Variants in SNX29 observed in about 807,000 individuals in gnomAD.
SNX29 encodes sorting nexin-29.
Under a neutral mutation model 102.1 loss-of-function variants are expected in SNX29, and 78 were observed. The observed-to-expected ratio is 0.76, with a 90% CI of 0.64 to 0.92. The LOEUF is 0.92. Ranked by LOEUF, SNX29 falls within the 40% of genes least tolerant of loss-of-function variation. The pLI is 0.00. For missense variants in SNX29, 1,280 were observed against 1,061.7 expected (o/e 1.21, Z -2.86); for synonymous variants, 580 against 414.5 (o/e 1.40, Z -4.85).
At chr16:11,985,421 G>C (rs186668527) in intron 1 of SNX29, among the ~76,000 whole-genome samples, 1 of 152,308 alleles carries the variant, frequency 6.6e-6, no homozygotes, top group East Asian at 1.9e-4. Context: ...GGAATATATG[G>C]TGTCTTGTAA....
At chr16:12,274,599 C>T (rs1332419379) in intron 14 of SNX29, among the ~76,000 whole-genome samples, 4 of 151,054 alleles carry the variant, frequency 2.6e-5, no homozygotes, top group Non-Finnish European at 5.9e-5. Flanking sequence ...TGCAGCTATG[C>T]CATCTCAGTT....
chr16:12,018,819 C>A (rs1029816264), intron 3 of SNX29, among the ~76,000 whole-genome samples: 4 of 150,878 alleles, frequency 2.7e-5, no homozygotes, highest in African/African-American at 9.8e-5. Context: ...AACTCCTGGG[C>A]TCAAGCTGTT....
intron 19 of SNX29, among the ~76,000 whole-genome samples, chr16:12,496,428 G>C (rs778248274): frequency 2.6e-5 from 4 of 151,794 alleles, no homozygotes; most frequent in Non-Finnish European, 5.9e-5. Context: ...GCACTCAATG[G>C]AGGCTGGGCC....
intron 14 of SNX29, among the ~76,000 whole-genome samples, chr16:12,235,273 C>T (rs1002987718): frequency 1.3e-5 from 2 of 152,132 alleles, no homozygotes; most frequent in East Asian, 1.9e-4. Context: ...CCTTCACCAA[C>T]GTGCCCCAGA....
At chr16:12,295,134 C>T (rs1352205865) in intron 15 of SNX29, among the ~76,000 whole-genome samples, 1 of 152,240 alleles carries the variant, frequency 6.6e-6, no homozygotes, top group Admixed American at 6.5e-5. Flanking sequence ...CTTCCCACAA[C>T]ACATGGGAAT....
At chr16:12,503,021 A>G (rs1182607589) in intron 19 of SNX29, among the ~76,000 whole-genome samples, 1 of 152,090 alleles carries the variant, frequency 6.6e-6, no homozygotes, top group Non-Finnish European at 1.5e-5. Flanking sequence ...AATCCCATGT[A>G]TCTTGTTTTG....
intron 20 of SNX29, among the ~76,000 whole-genome samples, chr16:12,541,248 A>G (rs1031814629): frequency 5.9e-5 from 9 of 152,162 alleles, no homozygotes; most frequent in African/African-American, 1.9e-4. Context: ...CATGTATCAT[A>G]TCTTATCAGG....
At chr16:12,255,781 G>C (rs1488994755) in intron 14 of SNX29, among the ~76,000 whole-genome samples, 1 of 152,114 alleles carries the variant, frequency 6.6e-6, no homozygotes, top group African/African-American at 2.4e-5. Context: ...ATCTGTTGAT[G>C]GACACAGGTT....
intron 11 of SNX29, among the ~76,000 whole-genome samples, chr16:12,117,063 T>C (rs1386376966): frequency 8.4e-5 from 9 of 107,738 alleles, no homozygotes; most frequent in Admixed American, 1.9e-4. Flanking sequence ...CGTGCTTCAA[T>C]GCGGACGAAC....
At position 12,178,208 on chromosome 16, in the gene SNX29, C is replaced by G. The variant is rs552256220; in HGVS notation, c.1596-21393C>G. On this transcript the variant is annotated intron_variant, in intron 13 of 20. Coordinates refer to ENST00000566228, the MANE Select transcript of SNX29 (RefSeq NM_032167.5). The stretch of plus-strand genomic sequence containing the variant: ...AGGGACCCTGGCAGGATGAGCATCT[C>G]GTGGTTACAGGGACCGGGGCATGGG... 5.0e-4 allele frequency among the ~76,000 whole-genome samples: 76 copies of G among 152,236 alleles called. 1 individual carries two copies. The highest frequency in any genetic ancestry group is 1.8e-3 in the African/African-American group (75 of 41,538).
At chr16:12,516,730 A>G (rs539096356) in intron 19 of SNX29, among the ~76,000 whole-genome samples, 1 of 152,336 alleles carries the variant, frequency 6.6e-6, no homozygotes, top group East Asian at 1.9e-4. Context: ...TTGGAAATGC[A>G]AAATCACCTC....
intron 11 of SNX29, among the ~76,000 whole-genome samples, chr16:12,100,394 G>C (rs1037988730): frequency 1.3e-5 from 2 of 152,162 alleles, no homozygotes; most frequent in Non-Finnish European, 2.9e-5. Context: ...TCCTCCAGGG[G>C]AGCGGGGTAG....
chr16:12,551,312 C>T (rs1597945620), intron 20 of SNX29, among the ~76,000 whole-genome samples: 1 of 152,290 alleles, frequency 6.6e-6, no homozygotes, highest in African/African-American at 2.4e-5. Context: ...ACCAAAAAGC[C>T]ACTTGTAACC....
rs1212712170 is a variant in SNX29 at position 12,129,680 on chromosome 16, G to A, written c.1517G>A (p.Arg506Gln). The A allele has an allele frequency of 2.5e-6, 4 of 1,610,990 alleles. No homozygotes were observed. The highest frequency in any genetic ancestry group is 1.3e-5 in the African/African-American group (1 of 74,844). The change falls in exon 13 of 21, where the codon CGG becomes CAG. Residue 506 changes from arginine to glutamine, a missense_variant. Coordinates refer to ENST00000566228, the MANE Select transcript of SNX29 (RefSeq NM_032167.5). ...DGEMEHSAALRQEVDTLKRKV... is the reference protein window; with the variant it reads ...DGEMEHSAALQQEVDTLKRKV... ...GAGATGGAGCACTCAGCCGCGCTCC[G>A]GCAAGAGGTGGACACCTTGAAAAGG...
At chr16:12,390,144 TGA>T (rs2083471945) in intron 16 of SNX29, among the ~76,000 whole-genome samples, 1 of 123,586 alleles carries the variant, frequency 8.1e-6, no homozygotes, top group Non-Finnish European at 1.7e-5. Flanking sequence ...TGCGTGCAAT[TGA>T]GGGGTGTGTG....
chr16:12,553,233 G>A (rs556241281), intron 20 of SNX29, among the ~76,000 whole-genome samples: 9 of 152,304 alleles, frequency 5.9e-5, no homozygotes, highest in South Asian at 4.1e-4. Flanking sequence ...GGGGACTTGA[G>A]AATACAGAGA....
chr16:12,439,936 G>A (rs780670573), intron 18 of SNX29, among the ~76,000 whole-genome samples: 15 of 152,182 alleles, frequency 9.9e-5, no homozygotes, highest in Non-Finnish European at 1.9e-4. Context: ...GGTTCAGCTG[G>A]CTGGCCAAAC....
chr16:12,357,859 G>C (rs1018437708), intron 16 of SNX29, among the ~76,000 whole-genome samples: 2 of 152,286 alleles, frequency 1.3e-5, no homozygotes, highest in East Asian at 3.9e-4. Flanking sequence ...CCTTACAGAG[G>C]TTTTCAACCC....
chr16:12,469,143 C>T (rs1171920309), intron 18 of SNX29, among the ~76,000 whole-genome samples: 2 of 152,218 alleles, frequency 1.3e-5, no homozygotes, highest in East Asian at 3.8e-4. Flanking sequence ...TGGAATGGTG[C>T]TGGCAATTCT....
Sources: allele counts gnomAD v4.1 joint callset (sites outside exome capture counted in the v4.1 genomes callset), GRCh38; gene constraint gnomAD v4.1.1; transcripts MANE v1.5; gene names NCBI Gene and HGNC (gene_info 2026-07-23, HGNC 2026-07-21).